CPD: variants seen among roughly 807,000 people sequenced by gnomAD.
The protein encoded by CPD is carboxypeptidase D, also known as metallocarboxypeptidase D.
Under a neutral mutation model 138.3 loss-of-function variants are expected in CPD, and 69 were observed. The observed-to-expected ratio is 0.50, with a 90% confidence interval of 0.41 to 0.61. The LOEUF (loss-of-function observed/expected upper bound fraction) is 0.61. Ranked by LOEUF, CPD falls within the 20% of genes least tolerant of loss-of-function variation. CPD has a pLI of 0.00. For synonymous variants in CPD, 651 were observed against 642.1 expected, an observed-to-expected ratio of 1.01 and a Z score of -0.21; for missense variants, 1,432 against 1,733.3, an observed-to-expected ratio of 0.83 and a Z score of 3.09.
Position 30,379,485 on chromosome 17 carries a change from C to T in CPD, c.505C>T (p.Arg169Cys). The T allele has an allele frequency of 3.8e-6, 6 of 1,573,812 alleles. No homozygotes were observed. Among genetic ancestry groups the T allele is most frequent in the Non-Finnish European group, 5.1e-6 (6 of 1,165,578 alleles). Residue 169 changes from arginine to cysteine, a missense_variant, in exon 1 of 21, where the codon CGC becomes TGC. This residue lies in a region of CPD where 484 missense variants were observed against 477.2 expected (regional missense o/e 1.01). Coordinates refer to ENST00000225719, the MANE Select transcript of CPD (RefSeq NM_001304.5). The surrounding 1 kb of genome is among the most constrained non-coding windows in gnomAD (Gnocchi z 7.0). ...GYRRGDPRLV[R>C]LLNTTDVYLL... ...CCGCCGCGGGGACCCGCGCCTGGTCCGCCTGCTCAACACCACCGACGTGTA... is the reference window on the plus strand; with the variant it reads ...CCGCCGCGGGGACCCGCGCCTGGTCTGCCTGCTCAACACCACCGACGTGTA...
chr17:30,389,290 A>G (rs1270218300), intron 2 of CPD, among the ~76,000 whole-genome samples: 3 of 152,222 alleles, frequency 2.0e-5, no homozygotes, highest in East Asian at 1.9e-4. Flanking sequence ...TGTTTCTTGT[A>G]TATCAGAAGC....
intron 20 of CPD, among the ~76,000 whole-genome samples, chr17:30,463,395 C>T (rs1038618713): frequency 9.9e-5 from 15 of 152,188 alleles, no homozygotes; most frequent in Non-Finnish European, 1.5e-4. Context: ...ATGGTTAGCA[C>T]GCAGTGGGTC....
chr17:30,392,860 C>T (rs759812483), intron 2 of CPD, among the ~76,000 whole-genome samples: 4 of 152,148 alleles, frequency 2.6e-5, no homozygotes, highest in Non-Finnish European at 5.9e-5. Flanking sequence ...CCCTAAAATA[C>T]GAATGAGTGT....
chr17:30,437,767 A>G (rs558097806), intron 8 of CPD, among the ~76,000 whole-genome samples: 14 of 113,146 alleles, frequency 1.2e-4, no homozygotes, highest in African/African-American at 3.3e-5. Context: ...TATGGTTTTT[A>G]TTTGATAAGA....
At chr17:30,438,498 A>G (rs139806002) in intron 8 of CPD, among the ~76,000 whole-genome samples, 3 of 152,310 alleles carry the variant, frequency 2.0e-5, no homozygotes, top group Non-Finnish European at 2.9e-5. Flanking sequence ...ACTAGTTGTA[A>G]TAGGGTAAGA....
chr17:30,434,838 G>T (rs978934085), intron 8 of CPD, among the ~76,000 whole-genome samples: 14 of 151,196 alleles, frequency 9.3e-5, no homozygotes, highest in African/African-American at 3.4e-4. Flanking sequence ...GATTTTGCTA[G>T]ACCGACAGAA....
chr17:30,427,565 C>A lies in CPD; in HGVS notation c.2017+7C>A. 3 of 1,612,036 alleles carry A rather than the reference C, an allele frequency of 1.9e-6. No individual in the cohort carries two copies. The highest frequency in any genetic ancestry group is 2.5e-6 in the Non-Finnish European group (3 of 1,178,328). On this transcript the variant is annotated splice_region_variant and intron_variant, in intron 7 of 20. Transcript: ENST00000225719. ...TCAGCAAACCTGCATGGAGGTATGG[C>A]AACTTTATATTCTACTAATCAGTTC...
chr17:30,431,360 G>A (rs143596239), intron 7 of CPD, among the ~76,000 whole-genome samples: 64 of 152,230 alleles, frequency 4.2e-4, no homozygotes, highest in African/African-American at 1.3e-3. Context: ...CTGGACACTG[G>A]ACCCTTATCA....
intron 2 of CPD, among the ~76,000 whole-genome samples, chr17:30,388,770 C>G (rs1597705556): frequency 6.6e-6 from 1 of 152,132 alleles, no homozygotes; most frequent in Admixed American, 6.5e-5. Context: ...AGTGTCTGGG[C>G]CAGGGGCGAC....
intron 1 of CPD, among the ~76,000 whole-genome samples, chr17:30,383,273 C>T (rs1364176731): frequency 6.6e-6 from 1 of 152,144 alleles, no homozygotes; most frequent in East Asian, 1.9e-4. Flanking sequence ...ATAAAGTAGT[C>T]TTTATGCCAG....
chr17:30,457,848 T>C (rs2143503774), intron 17 of CPD, among the ~76,000 whole-genome samples: 1 of 152,232 alleles, frequency 6.6e-6, no homozygotes, highest in East Asian at 1.9e-4. Context: ...TTTAATTCTT[T>C]GTAGAGACAG....
intron 2 of CPD, among the ~76,000 whole-genome samples, chr17:30,391,732 T>C (rs528060515): frequency 5.9e-5 from 9 of 152,254 alleles, no homozygotes; most frequent in Non-Finnish European, 8.8e-5. Context: ...TTCCCACTTA[T>C]ATAAAATTAA....
Position 30,431,827 on chromosome 17 carries a change from T to C in CPD, c.2073T>C (p.Tyr691=), listed in dbSNP as rs763261708. The C allele has an allele frequency of 1.2e-5, 20 of 1,613,166 alleles. No individual in the cohort carries two copies. The highest frequency in any genetic ancestry group is 2.7e-5 in the African/African-American group (2 of 74,908). Reference sequence around the variant, plus strand: ...ATGATGAACAAGGACTTGCCACATATAGTAAATCACCAGATGATGCTGTGT... The same window carrying C: ...ATGATGAACAAGGACTTGCCACATACAGTAAATCACCAGATGATGCTGTGT... The part of the protein sequence containing the change: ...FDDDEQGLAT[Y]SKSPDDAVFQ... The change falls in exon 8 of 21, where the codon TAT becomes TAC. Residue 691 remains tyrosine, a synonymous_variant. Transcript: ENST00000225719.
chr17:30,394,901 A>ATGTGTGTGTGTGTGTGTGTGTG (rs113868957), intron 2 of CPD, among the ~76,000 whole-genome samples: 55 of 148,332 alleles, frequency 3.7e-4, no homozygotes, highest in African/African-American at 1.3e-3. Context: ...GCATGTGTGT[A>ATGTGTGTGTGTGTGTGTGTGTG]TGTGTGTGTG....
chr17:30,398,014 C>CA (rs199680962), intron 2 of CPD, among the ~76,000 whole-genome samples: 6,712 of 93,736 alleles, frequency 0.072, 436 homozygotes, highest in East Asian at 0.38. Flanking sequence ...ACTGTCTCTA[C>CA]AAAAAAAAAA....
intron 15 of CPD, chr17:30,455,828 C>T (rs1473350855): frequency 4.1e-6 from 1 of 243,458 alleles, no homozygotes; most frequent in Admixed American, 5.2e-5. Flanking sequence ...CAGATTTGTC[C>T]TTCCCTGTTT....
chr17:30,458,202 C>T (rs764236417), intron 17 of CPD, among the ~76,000 whole-genome samples: 3 of 152,102 alleles, frequency 2.0e-5, no homozygotes, highest in East Asian at 1.9e-4. Flanking sequence ...CTCAAAAAAA[C>T]GAATAAACAA....
intron 2 of CPD, among the ~76,000 whole-genome samples, chr17:30,387,366 G>A (rs975272584): frequency 4.6e-5 from 7 of 152,118 alleles, no homozygotes; most frequent in African/African-American, 1.7e-4. Flanking sequence ...TGATCTACCT[G>A]TCTCAGCCTC....
At chr17:30,426,186 C>G (rs1485809703) in intron 6 of CPD, among the ~76,000 whole-genome samples, 1 of 128,072 alleles carries the variant, frequency 7.8e-6, no homozygotes, top group South Asian at 2.5e-4. Flanking sequence ...GGCGACAAGG[C>G]GAGGCTCCGT....
Sources: gnomAD v4.1 joint callset for allele counts (sites outside exome capture counted in the v4.1 genomes callset) on GRCh38, gnomAD v4.1.1 for gene constraint, gnomAD v4.1.1 regional missense constraint, Gnocchi (gnomAD v3.1) non-coding constraint, MANE v1.5 for transcripts, NCBI Gene and HGNC (gene_info 2026-07-23, HGNC 2026-07-21) for gene names.